The following DLGAP2 variants were observed in gnomAD, a reference collection of about 807,000 sequenced individuals.
The protein encoded by DLGAP2 is DLG associated protein 2, also known as disks large-associated protein 2.
DLGAP2 carries 26 observed loss-of-function variants against 100.3 expected under a neutral mutation model. The ratio of observed to expected loss-of-function variants is 0.26; its 90% CI spans 0.19 to 0.36. The LOEUF is 0.36. Ranked by LOEUF, DLGAP2 falls within the 10% of genes least tolerant of loss-of-function variation. The pLI, the probability that DLGAP2 is intolerant of heterozygous loss-of-function variation, is 1.00. For synonymous variants in DLGAP2, 886 were observed against 630.1 expected (o/e 1.41, Z -6.08); for missense variants, 1,858 against 1,453.2 (o/e 1.28, Z -4.53).
intron 1 of DLGAP2, among the ~76,000 whole-genome samples, chr8:765,000 G>C (rs1821175109): frequency 6.6e-6 from 1 of 152,214 alleles, no homozygotes; most frequent in Non-Finnish European, 1.5e-5. Context: ...TAAATTGACA[G>C]TGACTAGTGG....
chr8:1,266,125 G>T (rs1799445616), intron 3 of DLGAP2, among the ~76,000 whole-genome samples: 1 of 152,246 alleles, frequency 6.6e-6, no homozygotes, highest in Non-Finnish European at 1.5e-5. Context: ...AGGAAAAGCA[G>T]AGACGCTCTG....
At chr8:1,472,109 C>A (rs1486586265) in intron 3 of DLGAP2, among the ~76,000 whole-genome samples, 1 of 152,226 alleles carries the variant, frequency 6.6e-6, no homozygotes, top group Non-Finnish European at 1.5e-5. Flanking sequence ...GAGGCGTAAA[C>A]AAGTGCCCCT....
chr8:903,936 C>T (rs536987423), intron 1 of DLGAP2, among the ~76,000 whole-genome samples: 11 of 152,314 alleles, frequency 7.2e-5, no homozygotes, highest in South Asian at 2.1e-4. Flanking sequence ...CCCTGGAGGG[C>T]GGAGCTGCAC....
chr8:1,114,886 A>G (rs1183555291), intron 2 of DLGAP2, among the ~76,000 whole-genome samples: 1 of 152,128 alleles, frequency 6.6e-6, no homozygotes, highest in Non-Finnish European at 1.5e-5. Context: ...AGATTCTGGT[A>G]TGTTCTTTCT....
chr8:1,368,488 G>A (rs759786452), intron 3 of DLGAP2, among the ~76,000 whole-genome samples: 1 of 152,148 alleles, frequency 6.6e-6, no homozygotes, highest in Non-Finnish European at 1.5e-5. Context: ...TCTGAAAAAT[G>A]TAGAAATACA....
chr8:1,036,091 C>T (rs568762269), intron 2 of DLGAP2, among the ~76,000 whole-genome samples: 99 of 139,604 alleles, frequency 7.1e-4, no homozygotes, highest in Middle Eastern at 8.0e-3. Context: ...AGCCTCATCC[C>T]GACCCCGCGT....
chr8:1,192,562 C>T (rs1406533992), intron 2 of DLGAP2, among the ~76,000 whole-genome samples: 1 of 151,930 alleles, frequency 6.6e-6, no homozygotes, highest in Non-Finnish European at 1.5e-5. Flanking sequence ...CAAGTCTGTC[C>T]CCAGCCCCGC....
intron 1 of DLGAP2, among the ~76,000 whole-genome samples, chr8:802,434 C>T (rs1165300204): frequency 1.3e-5 from 2 of 152,246 alleles, no homozygotes; most frequent in South Asian, 4.1e-4. Flanking sequence ...CATCTCCACC[C>T]TGGGGTGGCC....
intron 3 of DLGAP2, among the ~76,000 whole-genome samples, chr8:1,349,532 C>T (rs375499081): frequency 9.4e-5 from 14 of 149,526 alleles, no homozygotes; most frequent in East Asian, 4.0e-4. Flanking sequence ...GGGGGACTGT[C>T]GTGAGCCTCC....
chr8:781,967 A>T (rs1032801112), intron 1 of DLGAP2, among the ~76,000 whole-genome samples: 1 of 152,186 alleles, frequency 6.6e-6, no homozygotes, highest in African/African-American at 2.4e-5. Flanking sequence ...AATGGGTAGA[A>T]ATGTACAGTT....
At chr8:1,568,600 C>T (rs1158617696) in intron 6 of DLGAP2, among the ~76,000 whole-genome samples, 3 of 143,118 alleles carry the variant, frequency 2.1e-5, no homozygotes, top group East Asian at 4.4e-4. Context: ...GCCCGTGGCC[C>T]CCATGCCACT....
intron 3 of DLGAP2, among the ~76,000 whole-genome samples, chr8:1,458,581 C>T (rs1273402698): frequency 6.6e-6 from 1 of 152,174 alleles, no homozygotes; most frequent in East Asian, 1.9e-4. Context: ...CAAATTTCTG[C>T]AAAGTGGTGT....
chr8:824,661 T>A (rs1218770301), intron 1 of DLGAP2, among the ~76,000 whole-genome samples: 1 of 151,748 alleles, frequency 6.6e-6, no homozygotes, highest in East Asian at 2.0e-4. Context: ...CCTGTTTGGG[T>A]TCACTGGGGT....
At chr8:1,153,477 C>A (rs62487484) in intron 2 of DLGAP2, among the ~76,000 whole-genome samples, 1 of 152,064 alleles carries the variant, frequency 6.6e-6, no homozygotes, top group African/African-American at 2.4e-5. Flanking sequence ...CGTGATTATA[C>A]GAAATCCTTT....
chr8:1,266,910 G>T (rs113645803), intron 3 of DLGAP2, among the ~76,000 whole-genome samples: 1,840 of 152,180 alleles, frequency 0.012, 43 homozygotes, highest in African/African-American at 0.042. Context: ...CACACTCAGT[G>T]GGGAGAGGGG....
At chr8:1,574,075 G>A (rs75256159) in intron 6 of DLGAP2, among the ~76,000 whole-genome samples, 1,548 of 152,284 alleles carry the variant, frequency 0.01, 35 homozygotes, top group African/African-American at 0.035. Flanking sequence ...AGGGTAAGCG[G>A]TGGGTAGGAG....
chr8:1,649,998 G>A (rs1798126782), intron 8 of DLGAP2, among the ~76,000 whole-genome samples: 1 of 152,222 alleles, frequency 6.6e-6, no homozygotes, highest in Admixed American at 6.5e-5. Context: ...GGCAACTGCA[G>A]ATTCATGGAA....
intron 3 of DLGAP2, among the ~76,000 whole-genome samples, chr8:1,289,857 A>G (rs1358056160): frequency 6.6e-6 from 1 of 152,180 alleles, no homozygotes; most frequent in Non-Finnish European, 1.5e-5. Flanking sequence ...GGGAATTTAG[A>G]GAATCTTTCC....
rs111861608 is a variant in DLGAP2 at position 1,408,129 on chromosome 8, C to G, written c.107-93237C>G. On this transcript the variant is annotated intron_variant, in intron 3 of 14. Transcript: ENST00000637795. ...GGTCTTCACTGAGATCAAGGCAAGCCTGGTCTCTGGCTCACTCTTTCTTTC... is the reference window on the plus strand; with the variant it reads ...GGTCTTCACTGAGATCAAGGCAAGCGTGGTCTCTGGCTCACTCTTTCTTTC... Among the ~76,000 whole-genome samples the G allele has an allele frequency of 3.3e-3, 509 of 152,356 alleles. 1 individual carries two copies. The highest frequency in any genetic ancestry group is 0.012 in the African/African-American group (496 of 41,584).
Sources: gnomAD v4.1 joint callset for allele counts (sites outside exome capture counted in the v4.1 genomes callset) on GRCh38, gnomAD v4.1.1 for gene constraint, MANE v1.5 for transcripts, NCBI Gene and HGNC (gene_info 2026-07-23, HGNC 2026-07-21) for gene names.